Variants in WDPCP observed in about 807,000 individuals in gnomAD.
WDPCP encodes the protein WD repeat-containing and planar cell polarity effector protein fritz homolog.
WDPCP carries 71 observed loss-of-function variants against 93.1 expected under a neutral mutation model. That is an observed-to-expected ratio of 0.76 (90% CI 0.63 to 0.93). The LOEUF (loss-of-function observed/expected upper bound fraction) is 0.93. WDPCP is among the 40% of genes least tolerant of loss of function. WDPCP has a pLI of 0.00. For missense variants in WDPCP, 844 were observed against 887.4 expected, an observed-to-expected ratio of 0.95 and a Z score of 0.62; for synonymous variants, 315 against 315.0, an observed-to-expected ratio of 1.00 and a Z score of 0.00.
intron 2 of WDPCP, among the ~76,000 whole-genome samples, chr2:63,703,121 T>C (rs1669087974): frequency 6.6e-6 from 1 of 152,174 alleles, no homozygotes; most frequent in African/African-American, 2.4e-5. Context: ...CAGTCTATCA[T>C]TGTTGGACAT....
intron 1 of WDPCP, chr2:63,518,540 G>C (rs1702705571): frequency 6.6e-6 from 1 of 152,438 alleles, no homozygotes; most frequent in East Asian, 1.9e-4. Context: ...ACTAAAGCCA[G>C]TGGGGAGCCC....
At chr2:63,206,541 C>T (rs917691743) in intron 14 of WDPCP, among the ~76,000 whole-genome samples, 4 of 152,026 alleles carry the variant, frequency 2.6e-5, no homozygotes, top group Non-Finnish European at 1.5e-5. Flanking sequence ...CAGCCTTGAC[C>T]TCCTGGACTC....
chr2:63,588,461 G>C lies in WDPCP; in HGVS notation c.-190C>G. 1 of 692,692 alleles carries C rather than the reference G, an allele frequency of 1.4e-6. No individual in the cohort carries two copies. The highest frequency in any genetic ancestry group is 2.6e-6 in the Non-Finnish European group (1 of 381,600). 42.9% of individuals were successfully genotyped at this position (692,692 alleles called of 1,614,324 possible). ...CGCTTAGCAACCTGAGAAGCTGTCC[G>C]GTCGTCCCAACTTATCAATTCCCCC... On this transcript the variant is annotated 5_prime_UTR_variant, in exon 1 of 18. Transcript: ENST00000272321.
intron 1 of WDPCP, among the ~76,000 whole-genome samples, chr2:63,548,684 G>A (rs898916432): frequency 1.5e-4 from 22 of 149,524 alleles, no homozygotes; most frequent in Admixed American, 2.7e-4. Context: ...TTTTGAGACC[G>A]AGCTCTCGCC....
intron 2 of WDPCP, among the ~76,000 whole-genome samples, chr2:63,713,545 T>C (rs1437648172): frequency 6.6e-6 from 1 of 152,194 alleles, no homozygotes; most frequent in Non-Finnish European, 1.5e-5. Flanking sequence ...AATAGGCAAA[T>C]TAGATTAATC....
chr2:63,727,855 T>C (rs1177891420), intron 2 of WDPCP, among the ~76,000 whole-genome samples: 1 of 152,222 alleles, frequency 6.6e-6, no homozygotes, highest in Non-Finnish European at 1.5e-5. Context: ...CTCATAATAG[T>C]GGCACTGTCC....
chr2:63,761,575 A>C (rs1670055290), intron 2 of WDPCP, among the ~76,000 whole-genome samples: 1 of 152,168 alleles, frequency 6.6e-6, no homozygotes, highest in Non-Finnish European at 1.5e-5. Flanking sequence ...CCAAGTGCCA[A>C]AACTGAAGAA....
intron 1 of WDPCP, among the ~76,000 whole-genome samples, chr2:63,587,008 G>C (rs1389826371): frequency 1.3e-5 from 2 of 152,168 alleles, no homozygotes; most frequent in Non-Finnish European, 2.9e-5. Context: ...GTAAAATCAT[G>C]ATATTTTTAA....
intron 1 of WDPCP, among the ~76,000 whole-genome samples, chr2:63,552,484 C>T (rs1401904229): frequency 1.3e-5 from 2 of 152,128 alleles, no homozygotes; most frequent in Non-Finnish European, 2.9e-5. Context: ...TAGCTAGACA[C>T]TGTCAGGAAG....
intron 6 of WDPCP, among the ~76,000 whole-genome samples, chr2:63,473,278 G>C (rs1380019191): frequency 6.6e-6 from 1 of 152,122 alleles, no homozygotes; most frequent in Non-Finnish European, 1.5e-5. Flanking sequence ...CTTGTTGCTG[G>C]AGCAGGGAAA....
rs138925209 is a variant in WDPCP, at chr2:63,556,373, T to C, written c.75+31824A>G. On this transcript the variant is annotated intron_variant, in intron 1 of 17. Transcript: ENST00000272321. ...GTAAAAAGTCCGAACCTGCGATTGA[T>C]TGGGGTACCTGAAAGAGATAAGGAG... Among the ~76,000 whole-genome samples the C allele has an allele frequency of 6.9e-3, 1,047 of 152,314 alleles. 6 individuals are homozygous for C. Among genetic ancestry groups the C allele is most frequent in the Non-Finnish European group, 0.012 (789 of 68,028 alleles).
chr2:63,368,592 C>T (rs886644047), intron 12 of WDPCP, among the ~76,000 whole-genome samples: 1 of 151,460 alleles, frequency 6.6e-6, no homozygotes, highest in African/African-American at 2.4e-5. Flanking sequence ...TCTCAAAGTG[C>T]TGGGATTATA....
At chr2:63,399,157 A>C (rs1406827789) in intron 10 of WDPCP, among the ~76,000 whole-genome samples, 1 of 152,214 alleles carries the variant, frequency 6.6e-6, no homozygotes, top group Non-Finnish European at 1.5e-5. Flanking sequence ...CCTATTCTAT[A>C]AAACTTAAGA....
At chr2:63,802,345 T>A (rs552993804) in intron 2 of WDPCP, among the ~76,000 whole-genome samples, 130 of 132,200 alleles carry the variant, frequency 9.8e-4, no homozygotes, top group African/African-American at 3.5e-3. Flanking sequence ...CAGCATGCCC[T>A]ATGGGAAGGA....
chr2:63,534,290 A>C (rs923119341), intron 1 of WDPCP, among the ~76,000 whole-genome samples: 4 of 152,230 alleles, frequency 2.6e-5, no homozygotes, highest in Admixed American at 6.5e-5. Flanking sequence ...TACAAAGAGG[A>C]GCCGGTACCA....
intron 9 of WDPCP, among the ~76,000 whole-genome samples, chr2:63,419,112 G>A (rs1157411132): frequency 1.3e-5 from 2 of 152,096 alleles, no homozygotes; most frequent in Admixed American, 1.3e-4. Context: ...AGATGAACAA[G>A]GTAGTAGTTT....
intron 14 of WDPCP, among the ~76,000 whole-genome samples, chr2:63,197,153 C>T (rs527938888): frequency 6.6e-6 from 1 of 152,250 alleles, no homozygotes; most frequent in Non-Finnish European, 1.5e-5. Flanking sequence ...CCCACCCCTC[C>T]TCTTCCTCCT....
intron 17 of WDPCP, among the ~76,000 whole-genome samples, chr2:63,128,148 T>A (rs941783218): frequency 7.2e-5 from 11 of 151,956 alleles, no homozygotes; most frequent in Non-Finnish European, 1.6e-4. Flanking sequence ...CAAAAAAAAT[T>A]AATAAATAAA....
At chr2:63,496,481 GA>G (rs778603494) in intron 1 of WDPCP, among the ~76,000 whole-genome samples, 18 of 152,114 alleles carry the variant, frequency 1.2e-4, no homozygotes, top group Non-Finnish European at 1.5e-4. Context: ...GTGTTTCAAG[GA>G]GAATAAGCAA....
Sources: allele counts gnomAD v4.1 joint callset (sites outside exome capture counted in the v4.1 genomes callset), GRCh38; gene constraint gnomAD v4.1.1; transcripts MANE v1.5; gene names NCBI Gene and HGNC (gene_info 2026-07-23, HGNC 2026-07-21).